Variants in RGS7 observed in about 807,000 individuals in gnomAD.
The protein encoded by RGS7 is regulator of G protein signaling 7.
In RGS7, 27 loss-of-function variants were observed where a neutral mutation model predicts 81.1. The observed-to-expected ratio is 0.33, with a 90% confidence interval of 0.25 to 0.46. RGS7 has a LOEUF of 0.46. RGS7 is among the 20% of genes least tolerant of loss of function. RGS7 has a pLI of 1.00. For synonymous variants in RGS7, 208 were observed against 207.7 expected, an observed-to-expected ratio of 1.00 and a Z score of -0.01; for missense variants, 396 against 607.4, an observed-to-expected ratio of 0.65 and a Z score of 3.66.
intron 3 of RGS7, among the ~76,000 whole-genome samples, chr1:240,983,874 A>C (rs1430338688): frequency 6.6e-6 from 1 of 152,232 alleles, no homozygotes; most frequent in Non-Finnish European, 1.5e-5. Flanking sequence ...GTGCTTAACA[A>C]TGTGTGATGA....
chr1:240,837,247 G>A (rs564723954), intron 9 of RGS7, among the ~76,000 whole-genome samples: 9 of 152,328 alleles, frequency 5.9e-5, no homozygotes, highest in South Asian at 2.1e-4. Flanking sequence ...GCAAGTAAGC[G>A]TGGACACTTT....
chr1:241,295,256 G>T (rs999307991), intron 2 of RGS7, among the ~76,000 whole-genome samples: 2 of 151,704 alleles, frequency 1.3e-5, no homozygotes, highest in African/African-American at 4.8e-5. Context: ...AGACCAGCCT[G>T]ACGAACATGA....
intron 2 of RGS7, among the ~76,000 whole-genome samples, chr1:241,240,839 C>T (rs1456278899): frequency 6.6e-6 from 1 of 151,942 alleles, no homozygotes; most frequent in Non-Finnish European, 1.5e-5. Context: ...GTAAATAAAT[C>T]CCTGCCCTAC....
intron 4 of RGS7, among the ~76,000 whole-genome samples, chr1:240,976,098 C>T (rs2148528945): frequency 6.6e-6 from 1 of 152,374 alleles, no homozygotes; most frequent in Admixed American, 6.5e-5. Context: ...TAGCTGACAG[C>T]TTACCAAGTG....
chr1:240,971,318 C>T lies in RGS7; in HGVS notation c.226+11761G>A, dbSNP rs537351375. ...ATAAATCTTTCTGTTGTTTGAGCCA[C>T]TCAGTCTATTGCATTCTGTTATAGC... On this transcript the variant is annotated intron_variant, in intron 4 of 18. Coordinates refer to ENST00000440928, the MANE Select transcript of RGS7 (RefSeq NM_001364886.1). Among the ~76,000 whole-genome samples the T allele has an allele frequency of 2.0e-5, 3 of 152,306 alleles. No individual in the cohort carries two copies. The East Asian group carries it at 5.8e-4, about 29-fold the overall frequency.
intron 2 of RGS7, among the ~76,000 whole-genome samples, chr1:241,128,341 T>C (rs561478674): frequency 2.5e-4 from 38 of 151,016 alleles, no homozygotes; most frequent in African/African-American, 8.8e-4. Context: ...CCCAGCACTT[T>C]GGGAGGCCAA....
chr1:241,266,931 A>G (rs1469599777), intron 2 of RGS7, among the ~76,000 whole-genome samples: 24 of 152,222 alleles, frequency 1.6e-4, no homozygotes, highest in Admixed American at 1.3e-3. Flanking sequence ...GACCAATCCT[A>G]TAATTCAGAC....
intron 2 of RGS7, among the ~76,000 whole-genome samples, chr1:241,175,243 G>A (rs1399966331): frequency 6.6e-6 from 1 of 151,978 alleles, no homozygotes; most frequent in African/African-American, 2.4e-5. Context: ...AAAAGAGAAG[G>A]GATCATTGTC....
chr1:241,060,092 C>G (rs1328024949), intron 3 of RGS7, among the ~76,000 whole-genome samples: 3 of 152,128 alleles, frequency 2.0e-5, no homozygotes, highest in Admixed American at 2.0e-4. Flanking sequence ...CAGCTGGACC[C>G]CTTCTACTCT....
intron 2 of RGS7, among the ~76,000 whole-genome samples, chr1:241,101,211 T>C (rs1192392032): frequency 1.3e-5 from 2 of 152,156 alleles, no homozygotes; most frequent in African/African-American, 4.8e-5. Context: ...AAAAAGAACA[T>C]GATGCTGGGC....
intron 2 of RGS7, among the ~76,000 whole-genome samples, chr1:241,270,819 C>A (rs1201931360): frequency 6.7e-6 from 1 of 148,820 alleles, no homozygotes; most frequent in Admixed American, 6.7e-5. Context: ...GTCCAGTTGG[C>A]GCCATCTTGG....
intron 3 of RGS7, among the ~76,000 whole-genome samples, chr1:241,023,342 T>C (rs2059630395): frequency 6.6e-6 from 1 of 152,178 alleles, no homozygotes; most frequent in Non-Finnish European, 1.5e-5. Context: ...TAGGTGTAAA[T>C]CTTTTTAAAA....
At chr1:240,975,974 T>C (rs1225490369) in intron 4 of RGS7, among the ~76,000 whole-genome samples, 2 of 152,240 alleles carry the variant, frequency 1.3e-5, no homozygotes, top group African/African-American at 4.8e-5. Flanking sequence ...TCTTAGTGGA[T>C]GAGGCAATAG....
chr1:240,877,535 T>C (rs419336), intron 6 of RGS7, among the ~76,000 whole-genome samples: 2,664 of 152,198 alleles, frequency 0.018, 72 homozygotes, highest in African/African-American at 0.061. Context: ...TCTTCTTTAA[T>C]AGTCTGTTGT....
intron 2 of RGS7, among the ~76,000 whole-genome samples, chr1:241,169,915 C>T (rs545409767): frequency 1.6e-4 from 25 of 151,912 alleles, no homozygotes; most frequent in African/African-American, 5.5e-4. Context: ...CAATTTCTCA[C>T]ATTACCTCAA....
chr1:240,991,561 G>A (rs1418573416), intron 3 of RGS7, among the ~76,000 whole-genome samples: 1 of 152,186 alleles, frequency 6.6e-6, no homozygotes. Flanking sequence ...TTGATGTGCA[G>A]CCTTTATTTT....
At chr1:241,001,262 T>C (rs1291861267) in intron 3 of RGS7, among the ~76,000 whole-genome samples, 5 of 152,196 alleles carry the variant, frequency 3.3e-5, no homozygotes, top group Admixed American at 2.0e-4. Context: ...ATCTCTTCCA[T>C]CCAGTTTGGA....
chr1:240,819,416 A>G (rs762757841), intron 10 of RGS7, among the ~76,000 whole-genome samples: 2 of 152,208 alleles, frequency 1.3e-5, no homozygotes, highest in African/African-American at 2.4e-5. Context: ...AATGATTTCA[A>G]CATTTATGCA....
At chr1:241,061,911 T>C (rs773124351) in intron 3 of RGS7, among the ~76,000 whole-genome samples, 4 of 152,234 alleles carry the variant, frequency 2.6e-5, no homozygotes, top group Non-Finnish European at 4.4e-5. Flanking sequence ...GAGGTCTACC[T>C]AGCTGCAAGC....
Sources: gnomAD v4.1 joint callset for allele counts (sites outside exome capture counted in the v4.1 genomes callset) on GRCh38, gnomAD v4.1.1 for gene constraint, MANE v1.5 for transcripts, NCBI Gene and HGNC (gene_info 2026-07-23, HGNC 2026-07-21) for gene names.